Variants in CREB3L1 observed in about 807,000 individuals in gnomAD.
The protein encoded by CREB3L1 is cAMP responsive element binding protein 3 like 1.
CREB3L1 carries 33 observed loss-of-function variants against 54.5 expected under a neutral mutation model. The observed-to-expected ratio is 0.61, with a 90% CI of 0.46 to 0.81. The LOEUF (loss-of-function observed/expected upper bound fraction) is 0.81, where lower values mean the gene tolerates loss of function less well. Among genes scored for constraint, CREB3L1 ranks in the 30% least tolerant of loss-of-function variants. The probability of loss-of-function intolerance (pLI) is 0.00; values close to 1 mark genes in which losing one functional copy is unlikely to be tolerated. For synonymous variants in CREB3L1, 284 were observed against 286.4 expected, an observed-to-expected ratio of 0.99 and a Z score of 0.08; for missense variants, 656 against 673.3, an observed-to-expected ratio of 0.97 and a Z score of 0.29.
chr11:46,305,983 C>A (rs757398893), intron 2 of CREB3L1, among the ~76,000 whole-genome samples: 1 of 151,808 alleles, frequency 6.6e-6, no homozygotes, highest in African/African-American at 2.4e-5. Flanking sequence ...ATGATCCGCC[C>A]GTCTTAGCCT....
chr11:46,293,173 C>T (rs1939154686), intron 1 of CREB3L1, among the ~76,000 whole-genome samples: 1 of 152,254 alleles, frequency 6.6e-6, no homozygotes, highest in African/African-American at 2.4e-5. Flanking sequence ...TGCGCCAACC[C>T]CGGCACTCGG....
intron 2 of CREB3L1, among the ~76,000 whole-genome samples, chr11:46,305,747 T>A (rs868625410): frequency 0.019 from 2,353 of 122,238 alleles, 86 homozygotes; most frequent in African/African-American, 0.1. Flanking sequence ...TATATATATA[T>A]TTTTTTTTAA....
At position 46,300,028 on chromosome 11, in the gene CREB3L1, G is replaced by A; in HGVS notation, c.196G>A (p.Glu66Lys). 1 of 1,613,960 alleles carries A rather than the reference G, an allele frequency of 6.2e-7. No individual in the cohort carries two copies. Among genetic ancestry groups the A allele is most frequent in the South Asian group, 1.1e-5 (1 of 91,084 alleles). Residue 66 changes from glutamate to lysine, a missense_variant, in exon 2 of 12, where the codon GAG becomes AAG. Around this residue, in one of 3 missense-constraint regions of CREB3L1, gnomAD observed 339 missense variants for 331.5 expected, o/e 1.02. Transcript: ENST00000621158. ...CTTCTTTGATGACCCTGTGCTGGAT[G>A]AGAAGAGCCCTCTATTGGACATGGA... ...SSFFDDPVLD[E>K]KSPLLDMELD...
At position 46,277,779 on chromosome 11, in the gene CREB3L1, G is replaced by T; in HGVS notation, c.-333G>T. ...CCGCCCCGGCTCCCACCCTGTCCGGGGGGCTCCTGAAGCCCTCAGCCCCAA... is the reference window on the plus strand; with the variant it reads ...CCGCCCCGGCTCCCACCCTGTCCGGTGGGCTCCTGAAGCCCTCAGCCCCAA... On this transcript the variant is annotated 5_prime_UTR_variant, in exon 1 of 12. Transcript: ENST00000621158. The T allele has an allele frequency of 3.8e-6, 1 of 264,060 alleles. No homozygotes were observed. The highest frequency in any genetic ancestry group is 7.2e-6 in the Non-Finnish European group (1 of 139,254). 16.4% of individuals were successfully genotyped at this position (264,060 alleles called of 1,614,324 possible). A position where few individuals can be genotyped will look rare whatever the true frequency, so the allele number is the denominator to read the frequency against.
rs762906470 is a variant in CREB3L1 at position 46,299,923 on chromosome 11, T to C, written c.103-12T>C. On this transcript the variant is annotated splice_polypyrimidine_tract_variant and intron_variant, in intron 1 of 11. Coordinates refer to ENST00000621158, the MANE Select transcript of CREB3L1 (RefSeq NM_052854.4). ...CTGAATTCCCTCTTCCCCTCACCTC[T>C]TCCTTCCCTAGCACTTTCCTGAGCA... The C allele has an allele frequency of 6.2e-7, 1 of 1,606,792 alleles. No individual in the cohort carries two copies. Among genetic ancestry groups the C allele is most frequent in the Admixed American group, 1.7e-5 (1 of 59,922 alleles).
intron 1 of CREB3L1, among the ~76,000 whole-genome samples, chr11:46,288,840 G>A (rs1041700799): frequency 4.6e-5 from 7 of 152,138 alleles, no homozygotes; most frequent in Admixed American, 6.6e-5. Flanking sequence ...TCAAATCCCC[G>A]CTTGACCACT....
At chr11:46,305,428 T>A (rs1047234892) in intron 2 of CREB3L1, among the ~76,000 whole-genome samples, 1 of 151,674 alleles carries the variant, frequency 6.6e-6, no homozygotes, top group African/African-American at 2.4e-5. Context: ...ATCTGTTCCC[T>A]CCTCTCCATC....
chr11:46,300,853 A>G (rs1270089765), intron 2 of CREB3L1, among the ~76,000 whole-genome samples: 3 of 151,964 alleles, frequency 2.0e-5, no homozygotes, highest in Non-Finnish European at 4.4e-5. Context: ...AAAATATTAA[A>G]AATTACCCGG....
chr11:46,302,460 C>T lies in CREB3L1; in HGVS notation c.331+2297C>T, dbSNP rs192926827. On this transcript the variant is annotated intron_variant, in intron 2 of 11. Coordinates refer to ENST00000621158, the MANE Select transcript of CREB3L1 (RefSeq NM_052854.4). ...GAAATGGTCCCTTCGGGCATTTCCT[C>T]AAATACAGGTGGTCCTGGCTCTGTC... is the stretch of plus-strand genomic sequence containing the variant. Among the ~76,000 whole-genome samples, 667 of 152,278 alleles carry T rather than the reference C, an allele frequency of 4.4e-3. 6 individuals carry two copies. Among genetic ancestry groups the T allele is most frequent in the South Asian group, 0.016 (77 of 4,824 alleles).
intron 2 of CREB3L1, among the ~76,000 whole-genome samples, chr11:46,307,410 G>A (rs1444373740): frequency 1.3e-5 from 2 of 151,956 alleles, no homozygotes; most frequent in Admixed American, 1.3e-4. Context: ...CTTCTCACCA[G>A]TGTTAAGTAT....
At chr11:46,297,930 A>C (rs1301077181) in intron 1 of CREB3L1, among the ~76,000 whole-genome samples, 1 of 152,194 alleles carries the variant, frequency 6.6e-6, no homozygotes, top group Non-Finnish European at 1.5e-5. Flanking sequence ...TTATATGTAC[A>C]GTATTTACTC....
intron 1 of CREB3L1, among the ~76,000 whole-genome samples, chr11:46,282,202 G>C (rs573678700): frequency 6.6e-6 from 1 of 152,294 alleles, no homozygotes; most frequent in East Asian, 1.9e-4. Flanking sequence ...CATTCTTAGA[G>C]AAGAGGGAAA....
chr11:46,284,782 G>T (rs1939033311), intron 1 of CREB3L1, among the ~76,000 whole-genome samples: 1 of 152,186 alleles, frequency 6.6e-6, no homozygotes, highest in African/African-American at 2.4e-5. Context: ...TCAAAGAGGG[G>T]AGCAAGAAGA....
intron 2 of CREB3L1, among the ~76,000 whole-genome samples, chr11:46,307,012 G>C (rs545648677): frequency 6.6e-6 from 1 of 151,960 alleles, no homozygotes; most frequent in Non-Finnish European, 1.5e-5. Context: ...TGAGCAGCTG[G>C]GACTAACAGG....
chr11:46,300,652 C>T (rs528585999), intron 2 of CREB3L1, among the ~76,000 whole-genome samples: 139 of 150,732 alleles, frequency 9.2e-4, no homozygotes, highest in Non-Finnish European at 1.7e-3. Context: ...GTGGATCACC[C>T]GAGGTCAGGA....
chr11:46,277,981 T>G lies in CREB3L1; in HGVS notation c.-131T>G. 3 of 343,824 alleles carry G rather than the reference T, an allele frequency of 8.7e-6. No individual in the cohort carries two copies. Among genetic ancestry groups the G allele is most frequent in the East Asian group, 4.5e-5 (1 of 22,036 alleles). The allele number at this position is 343,824 out of a possible 1,614,324, so 21.3% of individuals were successfully genotyped here. ...GGGCCGCGCCGCCTCCGTCCGCCCC[T>G]CCCCCGGGGCTTCGCCCCGGACCTG... On this transcript the variant is annotated 5_prime_UTR_variant, in exon 1 of 12. Transcript: ENST00000621158.
chr11:46,307,973 CT>C lies in CREB3L1; in HGVS notation c.491del (p.Leu164CysfsTer14). On this transcript the variant is annotated frameshift_variant, in exon 3 of 12. Coordinates refer to ENST00000621158, the MANE Select transcript of CREB3L1 (RefSeq NM_052854.4). LOFTEE classifies it high-confidence loss of function. ...CCACCCCGCTGCTGGGCCTCAGCCCCTTGTCCAGGCTGCCCATCCCCCACCA... is the reference window on the plus strand; with the variant it reads ...CCACCCCGCTGCTGGGCCTCAGCCCCTGTCCAGGCTGCCCATCCCCCACCA... ...ATTPLLGLSP[L>X]SRLPIPHQAP... 1 of 1,556,624 alleles carries C rather than the reference CT, an allele frequency of 6.4e-7. No individual in the cohort carries two copies. The highest frequency in any genetic ancestry group is 8.7e-7 in the Non-Finnish European group (1 of 1,153,022).
At chr11:46,291,854 T>C (rs1939135350) in intron 1 of CREB3L1, among the ~76,000 whole-genome samples, 1 of 152,084 alleles carries the variant, frequency 6.6e-6, no homozygotes, top group Non-Finnish European at 1.5e-5. Context: ...GGAGAGAGAA[T>C]ACCACTCCTT....
rs779580928 is a variant in CREB3L1, at chr11:46,278,193, T to C, written c.82T>C (p.Ser28Pro). The C allele has an allele frequency of 2.5e-6, 4 of 1,570,636 alleles. No homozygotes were observed. The South Asian group carries it at 4.7e-5, about 18-fold the overall frequency. Residue 28 changes from serine to proline, a missense_variant, in exon 1 of 12, where the codon TCG (serine) becomes CCG (proline). Ser to Pro is a moderately conservative substitution (Grantham distance 74). Around this residue, in one of 3 missense-constraint regions of CREB3L1, gnomAD observed 339 missense variants for 331.5 expected, o/e 1.02. Transcript: ENST00000621158. This position sits in a 1 kb window ranked among gnomAD's most constrained non-coding sequence, Gnocchi z 4.2. ...SFLDLGDLNE[S>P]DFLNNAHFPE... ...CCTGGACTTGGGGGATCTGAACGAG[T>C]CGGACTTCCTCAACAATGCGGTAAG...
Sources: allele counts gnomAD v4.1 joint callset (sites outside exome capture counted in the v4.1 genomes callset), GRCh38; gene constraint gnomAD v4.1.1; regional missense constraint gnomAD v4.1.1; non-coding constraint Gnocchi (gnomAD v3.1); transcripts MANE v1.5; gene names NCBI Gene and HGNC (gene_info 2026-07-23, HGNC 2026-07-21).